The following DCDC1 variants were observed in gnomAD, a reference collection of about 807,000 sequenced individuals.
DCDC1 encodes the protein doublecortin domain containing 1.
A neutral mutation model predicts 178.3 loss-of-function variants in DCDC1; 200 were observed. The observed-to-expected ratio is 1.12, with a 90% confidence interval of 1.00 to 1.26. DCDC1 has a LOEUF of 1.26. Ranked by LOEUF, DCDC1 falls within the 50% of genes most tolerant of loss-of-function variation. DCDC1 has a pLI of 0.00. For missense variants in DCDC1, 1,983 were observed against 1,749.2 expected (o/e 1.13, Z -2.38); for synonymous variants, 690 against 604.8 (o/e 1.14, Z -2.07).
At position 31,307,769 on chromosome 11, in the gene DCDC1, T is replaced by C; in HGVS notation, c.304A>G (p.Thr102Ala). Residue 102 changes from threonine to alanine, a missense_variant, in exon 4 of 39, where the codon ACA becomes GCA. Transcript: ENST00000684477. ...TCATCATGGCTGTGATCTGATGCTG[T>C]TTGATGTGTGGAGCAATCTTGAAGT... Reference protein sequence around the residue: ...SGLQDCSTHQTASDHSHDEIS... With the variant: ...SGLQDCSTHQAASDHSHDEIS... 3 of 1,614,164 alleles carry C rather than the reference T, an allele frequency of 1.9e-6. No homozygotes were observed. The highest frequency in any genetic ancestry group is 2.5e-6 in the Non-Finnish European group (3 of 1,180,006).
chr11:31,365,730 A>T (rs1951924795), intron 1 of DCDC1, among the ~76,000 whole-genome samples: 1 of 152,182 alleles, frequency 6.6e-6, no homozygotes, highest in Admixed American at 6.5e-5. Context: ...AGCTACATCT[A>T]TAGCACTTGA....
chr11:31,088,349 G>GC (rs1957601162), intron 17 of DCDC1, among the ~76,000 whole-genome samples: 1 of 151,740 alleles, frequency 6.6e-6, no homozygotes, highest in African/African-American at 2.4e-5. Context: ...CTACCATCTT[G>GC]TTATTTATTT....
At chr11:31,102,807 G>A (rs1958595599) in intron 14 of DCDC1, among the ~76,000 whole-genome samples, 1 of 152,120 alleles carries the variant, frequency 6.6e-6, no homozygotes, top group South Asian at 2.1e-4. Context: ...CAAATGCTCA[G>A]TAGTCACAAA....
intron 20 of DCDC1, among the ~76,000 whole-genome samples, chr11:31,049,323 G>T (rs1590874947): frequency 6.6e-6 from 1 of 152,074 alleles, no homozygotes; most frequent in African/African-American, 2.4e-5. Flanking sequence ...GTGATGGCAC[G>T]GAAAGATTTT....
intron 9 of DCDC1, among the ~76,000 whole-genome samples, chr11:31,181,259 C>T (rs572590327): frequency 6.6e-6 from 1 of 152,144 alleles, no homozygotes; most frequent in Non-Finnish European, 1.5e-5. Context: ...GGACAGAGCA[C>T]CTGGGGGAAG....
intron 9 of DCDC1, among the ~76,000 whole-genome samples, chr11:31,191,829 T>G (rs1970167954): frequency 6.6e-6 from 1 of 152,064 alleles, no homozygotes. Context: ...TTTTGCTTGG[T>G]CATACATTTT....
At chr11:31,077,545 A>C (rs76881274) in intron 18 of DCDC1, among the ~76,000 whole-genome samples, 2,780 of 152,298 alleles carry the variant, frequency 0.018, 92 homozygotes, top group African/African-American at 0.063. Context: ...CATGTTCAAC[A>C]GTAGTAGATA....
intron 20 of DCDC1, among the ~76,000 whole-genome samples, chr11:31,063,234 C>T (rs1406802143): frequency 6.6e-6 from 1 of 152,002 alleles, no homozygotes; most frequent in South Asian, 2.1e-4. Context: ...GAAATAAGAA[C>T]ACTTTTACAC....
chr11:30,968,711 T>TTTTATATATATATATATATATATATA (rs760434545), intron 20 of DCDC1, among the ~76,000 whole-genome samples: 21 of 61,044 alleles, frequency 3.4e-4, no homozygotes, highest in African/African-American at 4.7e-4. Flanking sequence ...ATATATCAAA[T>TTTTATATATATATATATATATATATA]TATATATATA....
At position 30,985,772 on chromosome 11, in the gene DCDC1, C is replaced by T. The variant is rs139527850; in HGVS notation, c.2592-33204G>A. Among the ~76,000 whole-genome samples the T allele has an allele frequency of 1.9e-4, 29 of 152,242 alleles. No homozygotes were observed. In the South Asian group the frequency reaches 4.2e-3, roughly 22 times the overall value. ...TGATTCCAAAGTCCACATCCTTCCC[C>T]CAAGCCACAGTGCTTCTATCAAGAG... On this transcript the variant is annotated intron_variant, in intron 20 of 38. Transcript: ENST00000684477.
At chr11:31,047,262 G>C (rs1954903785) in intron 20 of DCDC1, among the ~76,000 whole-genome samples, 1 of 152,064 alleles carries the variant, frequency 6.6e-6, no homozygotes, top group African/African-American at 2.4e-5. Context: ...TGATAATGTA[G>C]TCATATATTT....
At chr11:31,043,307 C>T (rs1019700135) in intron 20 of DCDC1, among the ~76,000 whole-genome samples, 6 of 152,166 alleles carry the variant, frequency 3.9e-5, no homozygotes, top group African/African-American at 1.4e-4. Context: ...TTTGCTGGTA[C>T]ATACTTCTGG....
At chr11:31,366,052 C>T (rs1347227821) in intron 1 of DCDC1, among the ~76,000 whole-genome samples, 1 of 152,084 alleles carries the variant, frequency 6.6e-6, no homozygotes. Context: ...TACTTTCAGG[C>T]ACAACTATCT....
intron 2 of DCDC1, among the ~76,000 whole-genome samples, chr11:31,328,810 CA>C (rs11321441): frequency 0.18 from 11,066 of 61,494 alleles, 1,006 homozygotes; most frequent in African/African-American, 0.41. Flanking sequence ...GACTACATCT[CA>C]AAAAAAAAAA....
intron 38 of DCDC1, among the ~76,000 whole-genome samples, chr11:30,875,802 G>T (rs559643499): frequency 6.6e-6 from 1 of 152,202 alleles, no homozygotes; most frequent in South Asian, 2.1e-4. Context: ...GAGATTTAGG[G>T]TTATTGCCCT....
intron 5 of DCDC1, 27 bp downstream of exon 5, chr11:31,306,205 C>A: frequency 6.9e-7 from 1 of 1,454,878 alleles, no homozygotes; most frequent in Non-Finnish European, 9.1e-7. Flanking sequence ...AAAAATAAAG[C>A]ACAGAAAACT....
At position 30,916,849 on chromosome 11, in the gene DCDC1, G is replaced by C. The variant is rs562822821; in HGVS notation, c.3452+21C>G. On this transcript the variant is annotated intron_variant, in intron 26 of 38. Transcript: ENST00000684477. ...AACACTAGACAGAAATCTTTAAGAGGAATCCTTTGCAACTTTTTACCTGTG... is the reference window on the plus strand; with the variant it reads ...AACACTAGACAGAAATCTTTAAGAGCAATCCTTTGCAACTTTTTACCTGTG... 1,729 of 1,582,736 alleles carry C rather than the reference G, an allele frequency of 1.1e-3. 35 individuals carry two copies. In the South Asian group the frequency reaches 0.019, roughly 18 times the overall value.
intron 9 of DCDC1, among the ~76,000 whole-genome samples, chr11:31,158,983 A>G (rs1048333305): frequency 2.0e-5 from 3 of 152,136 alleles, no homozygotes; most frequent in Non-Finnish European, 4.4e-5. Flanking sequence ...AAAACATACC[A>G]ATAATATAAA....
chr11:31,359,618 T>C (rs1951602957), intron 1 of DCDC1, among the ~76,000 whole-genome samples: 1 of 152,138 alleles, frequency 6.6e-6, no homozygotes, highest in Non-Finnish European at 1.5e-5. Flanking sequence ...CCCTGTAGCT[T>C]CAGGAAACAT....
Sources: allele counts gnomAD v4.1 joint callset (sites outside exome capture counted in the v4.1 genomes callset), GRCh38; gene constraint gnomAD v4.1.1; transcripts MANE v1.5; gene names NCBI Gene and HGNC (gene_info 2026-07-23, HGNC 2026-07-21).